Variants in CLIP1 observed in about 807,000 individuals in gnomAD.
CLIP1 encodes CAP-Gly domain containing linker protein 1, also known as CAP-Gly domain-containing linker protein 1.
A neutral mutation model predicts 161.6 loss-of-function variants in CLIP1; 66 were observed. The ratio of observed to expected loss-of-function variants is 0.41; its 90% CI spans 0.33 to 0.50. The LOEUF (loss-of-function observed/expected upper bound fraction) is 0.50. Among genes scored for constraint, CLIP1 ranks in the 20% least tolerant of loss-of-function variants. The pLI is 0.27. For missense variants in CLIP1, 1,376 were observed against 1,702.0 expected, an observed-to-expected ratio of 0.81 and a Z score of 3.37; for synonymous variants, 598 against 626.2, an observed-to-expected ratio of 0.96 and a Z score of 0.67.
chr12:122,278,648 C>G, intron 23 of CLIP1, 144 bp downstream of exon 23: 1 of 848,428 alleles, frequency 1.2e-6, no homozygotes, highest in Non-Finnish European at 1.8e-6. Context: ...TGGGATTAGC[C>G]CTTGATTGAT....
intron 1 of CLIP1, among the ~76,000 whole-genome samples, chr12:122,416,918 A>C (rs571355162): frequency 2.0e-4 from 31 of 151,700 alleles, no homozygotes; most frequent in African/African-American, 7.5e-4. Flanking sequence ...AATTATAACA[A>C]TAACATGGTG....
At chr12:122,378,161 A>C (rs777969755) in intron 2 of CLIP1, among the ~76,000 whole-genome samples, 2 of 150,916 alleles carry the variant, frequency 1.3e-5, no homozygotes, top group African/African-American at 2.4e-5. Context: ...ATCTCGGCTC[A>C]CTGCAACCTC....
intron 20 of CLIP1, among the ~76,000 whole-genome samples, chr12:122,290,810 C>T (rs371130331): frequency 6.6e-6 from 1 of 151,764 alleles, no homozygotes; most frequent in African/African-American, 2.4e-5. Context: ...GGATTATTAC[C>T]CAATCTAGGA....
chr12:122,293,002 C>CAAAAAAAAAAAAAAAAAAAAAAAAAAA (rs57326141), intron 20 of CLIP1, among the ~76,000 whole-genome samples: 1 of 43,606 alleles, frequency 2.3e-5, no homozygotes, highest in African/African-American at 1.1e-4. Flanking sequence ...GACTCTGTCT[C>CAAAAAAAAAAAAAAAAAAAAAAAAAAA]AAAAAAAAAA....
intron 1 of CLIP1, among the ~76,000 whole-genome samples, chr12:122,387,579 TATATATA>T (rs1955368245): frequency 6.9e-4 from 3 of 4,322 alleles, no homozygotes; most frequent in African/African-American, 1.3e-3. Flanking sequence ...TATATATATA[TATATATA>T]TATATTTTTT....
At chr12:122,370,829 A>G (rs529952273) in intron 3 of CLIP1, among the ~76,000 whole-genome samples, 1 of 151,988 alleles carries the variant, frequency 6.6e-6, no homozygotes, top group South Asian at 2.1e-4. Flanking sequence ...AGGGTAATGC[A>G]TGCCTGTAAT....
At chr12:122,320,788 C>T (rs1039217914) in intron 17 of CLIP1, among the ~76,000 whole-genome samples, 68 of 151,396 alleles carry the variant, frequency 4.5e-4, no homozygotes, top group African/African-American at 1.6e-3. Flanking sequence ...CAGCTCACTG[C>T]AACCTCCGCC....
intron 20 of CLIP1, among the ~76,000 whole-genome samples, chr12:122,291,655 TCAG>T (rs1362409508): frequency 1.3e-5 from 2 of 152,202 alleles, no homozygotes; most frequent in Non-Finnish European, 2.9e-5. Context: ...TGTGTCCTTC[TCAG>T]CAGATGATAT....
intron 20 of CLIP1, among the ~76,000 whole-genome samples, chr12:122,297,126 A>G (rs1056392582): frequency 5.3e-5 from 8 of 152,208 alleles, no homozygotes; most frequent in African/African-American, 1.9e-4. Context: ...TGATGCACAA[A>G]TAATCATAGT....
At chr12:122,304,454 G>A (rs1446236590) in intron 20 of CLIP1, among the ~76,000 whole-genome samples, 3 of 152,082 alleles carry the variant, frequency 2.0e-5, no homozygotes, top group African/African-American at 4.8e-5. Flanking sequence ...TCTGCCTCCC[G>A]GGTTCAAGTG....
intron 3 of CLIP1, among the ~76,000 whole-genome samples, chr12:122,372,970 G>A (rs1053518834): frequency 1.3e-5 from 2 of 152,134 alleles, no homozygotes; most frequent in Non-Finnish European, 2.9e-5. Flanking sequence ...CCGATAAGAG[G>A]ATTGAGAAAA....
intron 1 of CLIP1, among the ~76,000 whole-genome samples, chr12:122,405,268 C>T (rs11058014): frequency 0.023 from 3,479 of 152,232 alleles, 62 homozygotes; most frequent in Non-Finnish European, 0.035. Context: ...TCACAAGGGA[C>T]GCGTTCTCGC....
At chr12:122,383,363 A>T (rs890493712) in intron 1 of CLIP1, among the ~76,000 whole-genome samples, 2 of 152,254 alleles carry the variant, frequency 1.3e-5, no homozygotes, top group African/African-American at 4.8e-5. Context: ...AGACCTAACA[A>T]GGGAACTTTC....
intron 1 of CLIP1, among the ~76,000 whole-genome samples, chr12:122,380,988 A>G (rs900962881): frequency 2.0e-4 from 31 of 152,254 alleles, no homozygotes; most frequent in African/African-American, 6.0e-4. Context: ...ATGATCGATC[A>G]CACCACTGTA....
intron 24 of CLIP1, 91 bp from the exon 25 acceptor site, chr12:122,274,253 G>T (rs754075684): frequency 4.7e-5 from 54 of 1,155,058 alleles, no homozygotes; most frequent in Admixed American, 3.8e-5. Context: ...TTTAAGCTCT[G>T]GCGGCAAAGT....
At chr12:122,357,457 G>A (rs1168337969) in intron 5 of CLIP1, among the ~76,000 whole-genome samples, 7 of 151,620 alleles carry the variant, frequency 4.6e-5, no homozygotes, top group Admixed American at 3.3e-4. Context: ...ACCCCGTCTG[G>A]GAAGTGAGGA....
At chr12:122,421,150 T>C (rs886546880) in intron 1 of CLIP1, among the ~76,000 whole-genome samples, 2 of 150,908 alleles carry the variant, frequency 1.3e-5, no homozygotes, top group African/African-American at 4.9e-5. Context: ...CGAATGCACA[T>C]GACGACAGCA....
intron 21 of CLIP1, among the ~76,000 whole-genome samples, chr12:122,282,345 G>A (rs1156617020): frequency 6.7e-6 from 1 of 149,338 alleles, no homozygotes. Flanking sequence ...TAGCTGGAAT[G>A]ACTTGGTATT....
intron 4 of CLIP1, among the ~76,000 whole-genome samples, chr12:122,363,663 C>T (rs1953989944): frequency 6.6e-6 from 1 of 151,878 alleles, no homozygotes; most frequent in South Asian, 2.1e-4. Flanking sequence ...CCCCAGACGC[C>T]CAGGTATTCT....
Sources: gnomAD v4.1 joint callset for allele counts (sites outside exome capture counted in the v4.1 genomes callset) on GRCh38, gnomAD v4.1.1 for gene constraint, MANE v1.5 for transcripts, NCBI Gene and HGNC (gene_info 2026-07-23, HGNC 2026-07-21) for gene names.